NCOA2: variants seen among roughly 807,000 people sequenced by gnomAD.
NCOA2 encodes the protein nuclear receptor coactivator 2.
In NCOA2, 21 loss-of-function variants were observed where a neutral mutation model predicts 145.1. The ratio of observed to expected loss-of-function variants is 0.14; its 90% CI spans 0.10 to 0.21. The LOEUF (loss-of-function observed/expected upper bound fraction) is 0.21. Ranked by LOEUF, NCOA2 falls within the 10% of genes least tolerant of loss-of-function variation. NCOA2 has a pLI of 1.00. For missense variants in NCOA2, 1,472 were observed against 1,837.6 expected (o/e 0.80, Z 3.64); for synonymous variants, 619 against 637.5 (o/e 0.97, Z 0.44).
chr8:70,424,136 T>C, the NCOA2 span: 1 of 196,222 alleles, frequency 5.1e-6, no homozygotes, highest in East Asian at 1.6e-4. Flanking sequence ...TAGTGCTTCT[T>C]GGACACAGCC....
At chr8:70,296,976 A>G (rs1016467634) in intron 1 of NCOA2, among the ~76,000 whole-genome samples, 176 bp from the exon 2 acceptor site, 5 of 152,256 alleles carry the variant, frequency 3.3e-5, no homozygotes, top group African/African-American at 1.2e-4. Context: ...ATCAAGAAGT[A>G]GACTTGCTGC....
intron 2 of NCOA2, among the ~76,000 whole-genome samples, chr8:70,291,906 T>C (rs575926301): frequency 3.3e-5 from 5 of 152,012 alleles, no homozygotes; most frequent in Admixed American, 2.6e-4. Flanking sequence ...GAGACCATCC[T>C]GGCTAACACG....
intron 1 of NCOA2, among the ~76,000 whole-genome samples, chr8:70,367,401 T>C (rs1434497491): frequency 6.6e-6 from 1 of 152,160 alleles, no homozygotes; most frequent in Non-Finnish European, 1.5e-5. Flanking sequence ...TACTACTATT[T>C]TTTTCCTTTT....
chr8:70,339,313 G>C (rs768226952), intron 1 of NCOA2, among the ~76,000 whole-genome samples: 1 of 152,012 alleles, frequency 6.6e-6, no homozygotes, highest in Non-Finnish European at 1.5e-5. Flanking sequence ...GCCAAATCAT[G>C]AATGAACTCC....
chr8:70,420,292 C>T, the NCOA2 span, among the ~76,000 whole-genome samples: 1 of 152,122 alleles, frequency 6.6e-6, no homozygotes, highest in Non-Finnish European at 1.5e-5. Context: ...ACAAAAATAC[C>T]GTTAGAAAAA....
intron 4 of NCOA2, among the ~76,000 whole-genome samples, chr8:70,186,142 A>G (rs1293880860): frequency 6.6e-6 from 1 of 152,136 alleles, no homozygotes; most frequent in Non-Finnish European, 1.5e-5. Flanking sequence ...TTTATCCTCC[A>G]GGATGTCAAG....
At chr8:70,147,364 C>G (rs1212383141) in intron 12 of NCOA2, among the ~76,000 whole-genome samples, 1 of 152,124 alleles carries the variant, frequency 6.6e-6, no homozygotes, top group South Asian at 2.1e-4. Context: ...AAAGACCTAG[C>G]AATGAAAGAT....
At chr8:70,387,491 TAAAGG>T (rs1299327119) in intron 1 of NCOA2, among the ~76,000 whole-genome samples, 2 of 152,208 alleles carry the variant, frequency 1.3e-5, no homozygotes, top group African/African-American at 4.8e-5. Context: ...TCTCTTATTT[TAAAGG>T]AAAGGACAGT....
At chr8:70,188,369 T>C (rs1764771815) in intron 4 of NCOA2, among the ~76,000 whole-genome samples, 1 of 152,234 alleles carries the variant, frequency 6.6e-6, no homozygotes, top group African/African-American at 2.4e-5. Context: ...AGCAAGTTAG[T>C]ACACGACCTC....
intron 4 of NCOA2, among the ~76,000 whole-genome samples, chr8:70,194,045 C>T (rs2086724826): frequency 6.6e-6 from 1 of 152,194 alleles, no homozygotes; most frequent in African/African-American, 2.4e-5. Flanking sequence ...AAGGTTCTAA[C>T]ACTGGAAGAG....
intron 16 of NCOA2, among the ~76,000 whole-genome samples, 153 bp from the exon 17 acceptor site, chr8:70,129,133 T>A (rs1808790943): frequency 6.6e-6 from 1 of 152,176 alleles, no homozygotes; most frequent in African/African-American, 2.4e-5. Context: ...AGAGCTTGAC[T>A]CCACTTGTCT....
chr8:70,159,320 G>A (rs1419927973), intron 10 of NCOA2, among the ~76,000 whole-genome samples, 185 bp downstream of exon 10: 1 of 145,334 alleles, frequency 6.9e-6, no homozygotes, highest in Non-Finnish European at 1.5e-5. Context: ...GATACAGAGG[G>A]CCAATTATAT....
chr8:70,139,056 T>C (rs1175149497), intron 14 of NCOA2, among the ~76,000 whole-genome samples: 4 of 152,244 alleles, frequency 2.6e-5, no homozygotes, highest in African/African-American at 9.6e-5. Flanking sequence ...GTACTTCAGC[T>C]GGCTCCCCTA....
At chr8:70,243,791 G>GAAAAAAAAAAAAAAAA (rs200949977) in intron 2 of NCOA2, among the ~76,000 whole-genome samples, 2 of 99,532 alleles carry the variant, frequency 2.0e-5, no homozygotes, top group Admixed American at 1.0e-4. Flanking sequence ...ATAAAAAATG[G>GAAAAAAAAAAAAAAAA]AAAAAAAAAA....
intron 1 of NCOA2, among the ~76,000 whole-genome samples, chr8:70,369,935 T>C (rs1052935343): frequency 6.6e-6 from 1 of 152,156 alleles, no homozygotes; most frequent in Non-Finnish European, 1.5e-5. Context: ...AGGGTTTCAT[T>C]CTGTCGCCCA....
chr8:70,255,435 T>C (rs1372052131), intron 2 of NCOA2, among the ~76,000 whole-genome samples: 2 of 152,236 alleles, frequency 1.3e-5, no homozygotes, highest in African/African-American at 4.8e-5. Flanking sequence ...AAGCAAGCCA[T>C]GAAAAGCATA....
chr8:70,369,506 G>T (rs1293919321), intron 1 of NCOA2, among the ~76,000 whole-genome samples: 1 of 152,158 alleles, frequency 6.6e-6, no homozygotes, highest in African/African-American at 2.4e-5. Context: ...GATTAGTGAG[G>T]CATGGACCCA....
intron 14 of NCOA2, among the ~76,000 whole-genome samples, chr8:70,140,593 G>GTTTTTTTTTTTTTT (rs71558582): frequency 1.3e-5 from 1 of 79,784 alleles, no homozygotes; most frequent in Non-Finnish European, 2.3e-5. Flanking sequence ...TACCACCTAA[G>GTTTTTTTTTTTTTT]TTTTTTTTTT....
rs918505251 is a variant in NCOA2 at position 70,262,369 on chromosome 8, T to C, written c.-20+34375A>G. ...AAGCACATGCACAGGATAATCAACATGTCCAGTCCTCTGGTCCTACAGGAG... is the reference window on the plus strand; with the variant it reads ...AAGCACATGCACAGGATAATCAACACGTCCAGTCCTCTGGTCCTACAGGAG... On this transcript the variant is annotated intron_variant, in intron 2 of 22. Transcript: ENST00000452400. 3.9e-5 allele frequency among the ~76,000 whole-genome samples: 6 copies of C among 152,250 alleles called. No homozygotes were observed. In the South Asian group the frequency reaches 8.3e-4, roughly 21 times the overall value.
Sources: gnomAD v4.1 joint callset for allele counts (sites outside exome capture counted in the v4.1 genomes callset) on GRCh38, gnomAD v4.1.1 for gene constraint, MANE v1.5 for transcripts, NCBI Gene and HGNC (gene_info 2026-07-23, HGNC 2026-07-21) for gene names.